The following GABRA3 variants were observed in gnomAD, a reference collection of about 807,000 sequenced individuals.
GABRA3 encodes the protein gamma-aminobutyric acid type A receptor subunit alpha3.
GABRA3 carries 10 observed loss-of-function variants against 30.1 expected under a neutral mutation model. The ratio of observed to expected loss-of-function variants is 0.33; its 90% CI spans 0.20 to 0.56. GABRA3 has a LOEUF of 0.56. Ranked by LOEUF, GABRA3 falls within the 20% of genes least tolerant of loss-of-function variation. The probability of loss-of-function intolerance (pLI) is 0.89; values close to 1 mark genes in which losing one functional copy is unlikely to be tolerated. For synonymous variants in GABRA3, 151 were observed against 146.8 expected (o/e 1.03, Z -0.21); for missense variants, 233 against 392.0 (o/e 0.59, Z 3.42).
chrX:152,227,937 C>T lies in GABRA3; in HGVS notation c.552-3092G>A, dbSNP rs755968322. On this transcript the variant is annotated intron_variant, in intron 5 of 9. Coordinates refer to ENST00000370314, the MANE Select transcript of GABRA3 (RefSeq NM_000808.4). ...ATCTTTAAGTCATATGAGAGATGCT[C>T]TAGTTATCTTTGGTTATCTTTGAGC... Among the ~76,000 whole-genome samples, 7 of 111,058 alleles carry T rather than the reference C, an allele frequency of 6.3e-5. No homozygotes were observed. The East Asian group carries it at 2.0e-3, about 32-fold the overall frequency.
intron 5 of GABRA3, among the ~76,000 whole-genome samples, chrX:152,240,490 G>A (rs1239601883): frequency 1.5e-4 from 13 of 87,084 alleles, no homozygotes; most frequent in Admixed American, 2.6e-4. Context: ...TGCTCTTCTC[G>A]AGGAGTATCT....
At chrX:152,364,633 A>G in intron 1 of GABRA3, 37 bp from the exon 2 acceptor site, 1 of 1,027,834 alleles carries the variant, frequency 9.7e-7, no homozygotes, top group East Asian at 3.1e-5. Context: ...GATAAGAGGT[A>G]GAGAGTAGAA....
chrX:152,394,769 T>C (rs1929608773), intron 1 of GABRA3, among the ~76,000 whole-genome samples: 2 of 111,582 alleles, frequency 1.8e-5, no homozygotes, highest in African/African-American at 6.5e-5. Context: ...AATTCATACA[T>C]GAAAAAGGGG....
chrX:152,195,383 G>A (rs1163422756), intron 8 of GABRA3, among the ~76,000 whole-genome samples: 1 of 112,035 alleles, frequency 8.9e-6, no homozygotes, highest in Admixed American at 9.5e-5. Flanking sequence ...TTCATGGGAA[G>A]TGTCCTTGTA....
chrX:152,246,345 A>G (rs957718466), intron 5 of GABRA3, among the ~76,000 whole-genome samples: 1 of 111,689 alleles, frequency 9.0e-6, no homozygotes, highest in Non-Finnish European at 1.9e-5. Flanking sequence ...TTTCAAGGCC[A>G]TGATTTCCAC....
intron 1 of GABRA3, among the ~76,000 whole-genome samples, chrX:152,399,997 C>A (rs756437050): frequency 9.0e-6 from 1 of 111,124 alleles, no homozygotes; most frequent in Admixed American, 9.6e-5. Flanking sequence ...CTAAAATGGA[C>A]AACATACAGT....
intron 1 of GABRA3, among the ~76,000 whole-genome samples, chrX:152,413,263 C>A (rs777871245): frequency 9.1e-6 from 1 of 110,296 alleles, no homozygotes; most frequent in Admixed American, 9.7e-5. Flanking sequence ...TCAACAAAAT[C>A]TCTTTTCAAA....
intron 3 of GABRA3, among the ~76,000 whole-genome samples, chrX:152,292,914 G>A (rs1181026106): frequency 2.7e-5 from 3 of 112,050 alleles, no homozygotes; most frequent in African/African-American, 9.7e-5. Flanking sequence ...TGGTCTGAGA[G>A]ACAGTTTGTT....
At position 152,182,881 on chromosome X, in the gene GABRA3, A is replaced by G. The variant is rs139173097; in HGVS notation, c.1143+6849T>C. On this transcript the variant is annotated intron_variant, in intron 9 of 9. Coordinates refer to ENST00000370314, the MANE Select transcript of GABRA3 (RefSeq NM_000808.4). ...TATACTATAGTACTATATATAGTGT[A>G]TATATATATAGTGTATACATATATA... 7.5e-3 allele frequency among the ~76,000 whole-genome samples: 727 copies of G among 96,974 alleles called. 9 individuals are homozygous for G. Among genetic ancestry groups the G allele is most frequent in the African/African-American group, 0.025 (692 of 27,216 alleles). The allele number at this position is 96,974 out of a possible 115,157, so 84.2% of individuals were successfully genotyped here. A position where few individuals can be genotyped will look rare whatever the true frequency, so the allele number is the denominator to read the frequency against.
At chrX:152,417,284 T>C (rs1271044294) in intron 1 of GABRA3, among the ~76,000 whole-genome samples, 2 of 101,913 alleles carry the variant, frequency 2.0e-5, no homozygotes, top group African/African-American at 3.8e-5. Flanking sequence ...ATGCTCAACA[T>C]CACTGGCCAT....
chrX:152,305,679 G>A (rs1383103025), intron 3 of GABRA3, among the ~76,000 whole-genome samples: 1 of 111,213 alleles, frequency 9.0e-6, no homozygotes, highest in East Asian at 2.8e-4. Context: ...TATGTTGATT[G>A]TCTTATTAGT....
At chrX:152,436,653 T>C (rs2124548825) in intron 1 of GABRA3, among the ~76,000 whole-genome samples, 1 of 111,574 alleles carries the variant, frequency 9.0e-6, no homozygotes, top group African/African-American at 3.3e-5. Flanking sequence ...TGTCAACAAA[T>C]GGGGCTGGAA....
chrX:152,311,463 T>A (rs1480038948), intron 3 of GABRA3, among the ~76,000 whole-genome samples: 1 of 112,175 alleles, frequency 8.9e-6, no homozygotes, highest in Non-Finnish European at 1.9e-5. Context: ...CACATGATCA[T>A]CCCAATAGGC....
intron 1 of GABRA3, among the ~76,000 whole-genome samples, chrX:152,375,266 C>T (rs973331874): frequency 1.8e-5 from 2 of 111,126 alleles, no homozygotes; most frequent in African/African-American, 6.6e-5. Context: ...TTTTCATATC[C>T]CTCTATCATT....
At chrX:152,241,675 C>A (rs1938376264) in intron 5 of GABRA3, among the ~76,000 whole-genome samples, 1 of 109,316 alleles carries the variant, frequency 9.1e-6, no homozygotes, top group African/African-American at 3.3e-5. Flanking sequence ...GGCGTAGGAC[C>A]CTCTGAGCCA....
chrX:152,423,497 T>C (rs1437293043), intron 1 of GABRA3, among the ~76,000 whole-genome samples: 2 of 112,010 alleles, frequency 1.8e-5, no homozygotes, highest in African/African-American at 6.5e-5. Context: ...GACAAATGTA[T>C]CCTTTTAGAA....
At chrX:152,332,823 A>C (rs182194632) in intron 3 of GABRA3, among the ~76,000 whole-genome samples, 1 of 112,446 alleles carries the variant, frequency 8.9e-6, no homozygotes, top group Admixed American at 9.4e-5. Flanking sequence ...TTTTTGCTTT[A>C]ACCCACAAGC....
chrX:152,339,030 T>C (rs1347514057), intron 3 of GABRA3, among the ~76,000 whole-genome samples: 1 of 111,010 alleles, frequency 9.0e-6, no homozygotes, highest in Non-Finnish European at 1.9e-5. Flanking sequence ...TCATCCTATG[T>C]ACATTTAAGG....
At chrX:152,229,754 T>A (rs757540160) in intron 5 of GABRA3, among the ~76,000 whole-genome samples, 1 of 110,980 alleles carries the variant, frequency 9.0e-6, no homozygotes, top group Non-Finnish European at 1.9e-5. Flanking sequence ...GCTTTCACTA[T>A]GAGTGAAATA....
Sources: allele counts gnomAD v4.1 joint callset (sites outside exome capture counted in the v4.1 genomes callset), GRCh38; gene constraint gnomAD v4.1.1; transcripts MANE v1.5; gene names NCBI Gene and HGNC (gene_info 2026-07-23, HGNC 2026-07-21).